MAPK4: variants seen among roughly 807,000 people sequenced by gnomAD.
MAPK4 encodes the protein Erk3-related.
In MAPK4, 22 loss-of-function variants were observed where a neutral mutation model predicts 47.7. The ratio of observed to expected loss-of-function variants is 0.46; its 90% CI spans 0.33 to 0.66. The LOEUF (loss-of-function observed/expected upper bound fraction) is 0.66. Among genes scored for constraint, MAPK4 ranks in the 30% least tolerant of loss-of-function variants. The probability of loss-of-function intolerance (pLI) is 0.02; values close to 1 mark genes in which losing one functional copy is unlikely to be tolerated. For missense variants in MAPK4, 736 were observed against 831.7 expected (o/e 0.88, Z 1.42); for synonymous variants, 390 against 365.7 (o/e 1.07, Z -0.76).
rs1033660493 is a variant in MAPK4 at position 50,568,419 on chromosome 18, T to C, written c.-871+8176T>C. Among the ~76,000 whole-genome samples the C allele has an allele frequency of 3.9e-5, 6 of 152,204 alleles. No homozygotes were observed. In the East Asian group the frequency reaches 9.6e-4, roughly 24 times the overall value. ...TTGCTAAGTGCTTCTCAGGCCTTAA[T>C]TCTTATTCTTACAACAGTCTCTGAA... On this transcript the variant is annotated intron_variant, in intron 1 of 5. Transcript: ENST00000400384.
intron 4 of MAPK4, among the ~76,000 whole-genome samples, chr18:50,722,749 C>T (rs62092230): frequency 0.11 from 16,264 of 152,068 alleles, 932 homozygotes; most frequent in Middle Eastern, 0.14. Flanking sequence ...AGAAATAGAC[C>T]AAAGGTGATG....
At chr18:50,595,957 G>A (rs1374022672) in intron 1 of MAPK4, among the ~76,000 whole-genome samples, 3 of 152,058 alleles carry the variant, frequency 2.0e-5, no homozygotes, top group Admixed American at 2.0e-4. Context: ...TACCTGCTTC[G>A]TTTGTCTCAG....
At chr18:50,586,672 G>T (rs544723815) in intron 1 of MAPK4, among the ~76,000 whole-genome samples, 2 of 151,994 alleles carry the variant, frequency 1.3e-5, no homozygotes, top group Non-Finnish European at 2.9e-5. Context: ...GGTAAGCTCC[G>T]AGTGTACATT....
chr18:50,664,183 C>A lies in MAPK4; in HGVS notation c.225C>A (p.Asp75Glu), dbSNP rs1360934897. The change falls in exon 2 of 6, where the codon GAC becomes GAA. Residue 75 changes from aspartate to glutamate, a missense_variant. By Grantham distance (45) the Asp-to-Glu change is conservative. Coordinates refer to ENST00000400384, the MANE Select transcript of MAPK4 (RefSeq NM_002747.4). The surrounding 1 kb of genome is among the most constrained non-coding windows in gnomAD (Gnocchi z 6.0). Reference sequence around the variant, plus strand: ...AGATCATTCGGCGCCTGGACCACGACAACATCGTCAAAGTGTACGAGGTGC... The same window carrying A: ...AGATCATTCGGCGCCTGGACCACGAAAACATCGTCAAAGTGTACGAGGTGC... ...EIKIIRRLDHDNIVKVYEVLG... is the reference protein window; with the variant it reads ...EIKIIRRLDHENIVKVYEVLG... The A allele has an allele frequency of 1.2e-6, 2 of 1,614,156 alleles. No individual in the cohort carries two copies. The highest frequency in any genetic ancestry group is 2.2e-5 in the East Asian group (1 of 44,884).
rs1458575045 is a variant in MAPK4, at chr18:50,560,263, T to C, written c.-871+20T>C. 6.6e-6 allele frequency: 1 copy of C among 151,732 alleles called. No individual in the cohort carries two copies. The highest frequency in any genetic ancestry group is 6.6e-5 in the Admixed American group (1 of 15,266). 9.4% of individuals were successfully genotyped at this position (151,732 alleles called of 1,614,324 possible). A position where few individuals can be genotyped will look rare whatever the true frequency, so the allele number is the denominator to read the frequency against. On this transcript the variant is annotated intron_variant, in intron 1 of 5. Coordinates refer to ENST00000400384, the MANE Select transcript of MAPK4 (RefSeq NM_002747.4). ...GCCTCGGTAAGTGGCTCCCCTCCGC[T>C]GGCTTTCTCCTCCCGCCGCCTGCGC...
intron 1 of MAPK4, among the ~76,000 whole-genome samples, chr18:50,643,712 A>G (rs1401907704): frequency 6.6e-6 from 1 of 152,138 alleles, no homozygotes; most frequent in Non-Finnish European, 1.5e-5. Flanking sequence ...CAGTAGTTTC[A>G]TGCAAGCCTC....
intron 1 of MAPK4, among the ~76,000 whole-genome samples, chr18:50,589,587 C>T (rs1201825138): frequency 7.3e-6 from 1 of 136,524 alleles, no homozygotes; most frequent in East Asian, 2.1e-4. Flanking sequence ...CAGAGCGAGA[C>T]TCCGTCTCAA....
intron 2 of MAPK4, among the ~76,000 whole-genome samples, chr18:50,689,128 G>A (rs951680478): frequency 2.7e-5 from 4 of 147,650 alleles, no homozygotes; most frequent in African/African-American, 1.1e-4. Context: ...AGGTGTGGTG[G>A]TGCAAGCATG....
chr18:50,637,641 G>A (rs2042899554), intron 1 of MAPK4, among the ~76,000 whole-genome samples: 1 of 152,190 alleles, frequency 6.6e-6, no homozygotes, highest in Non-Finnish European at 1.5e-5. Context: ...GTGTGCTGGG[G>A]TTGCTGTGAC....
chr18:50,699,261 T>G, intron 2 of MAPK4, among the ~76,000 whole-genome samples: 1 of 152,182 alleles, frequency 6.6e-6, no homozygotes, highest in East Asian at 1.9e-4. Context: ...AAGAAATTGT[T>G]TCTACCAAAA....
rs571035193 is a variant in MAPK4, at chr18:50,627,147, T to A, written c.-870-35942T>A. ...CCCAGACTTCCTGTGGACCACATGG[T>A]CAGAGGAGGCTTCCTGGGAGAGGCG... is the stretch of plus-strand genomic sequence containing the variant. On this transcript the variant is annotated intron_variant, in intron 1 of 5. Coordinates refer to ENST00000400384, the MANE Select transcript of MAPK4 (RefSeq NM_002747.4). 2.0e-5 allele frequency among the ~76,000 whole-genome samples: 3 copies of A among 150,398 alleles called. No individual in the cohort carries two copies. The East Asian group carries it at 6.0e-4, about 30-fold the overall frequency.
chr18:50,713,698 G>C (rs1295620556), intron 2 of MAPK4, among the ~76,000 whole-genome samples: 2 of 152,374 alleles, frequency 1.3e-5, no homozygotes, highest in Non-Finnish European at 2.9e-5. Context: ...GCTGGCCTGA[G>C]CGTGTCAGCC....
At chr18:50,574,421 A>C (rs1235925288) in intron 1 of MAPK4, among the ~76,000 whole-genome samples, 1 of 152,234 alleles carries the variant, frequency 6.6e-6, no homozygotes, top group Non-Finnish European at 1.5e-5. Context: ...TTGGAAGAAA[A>C]TCATCGAGAG....
chr18:50,566,821 T>A (rs905098425), intron 1 of MAPK4, among the ~76,000 whole-genome samples: 8 of 152,228 alleles, frequency 5.3e-5, no homozygotes, highest in African/African-American at 1.9e-4. Flanking sequence ...ATATTCATTA[T>A]GGAAAGTGGC....
intron 1 of MAPK4, among the ~76,000 whole-genome samples, chr18:50,620,788 A>T (rs556659900): frequency 1.3e-5 from 2 of 152,222 alleles, no homozygotes; most frequent in East Asian, 3.9e-4. Flanking sequence ...TTATAAAAAC[A>T]TTAAAATAAA....
At chr18:50,728,966 G>A (rs1259713575) in intron 5 of MAPK4, among the ~76,000 whole-genome samples, 192 bp from the exon 6 acceptor site, 10 of 152,240 alleles carry the variant, frequency 6.6e-5, no homozygotes, top group African/African-American at 2.4e-4. Flanking sequence ...GAACACAAGA[G>A]TTAAGCCGAA....
chr18:50,626,486 G>A (rs2042779290), intron 1 of MAPK4, among the ~76,000 whole-genome samples: 1 of 152,146 alleles, frequency 6.6e-6, no homozygotes, highest in African/African-American at 2.4e-5. Context: ...CTTGTTGGAG[G>A]CGGGAAGGAT....
intron 1 of MAPK4, among the ~76,000 whole-genome samples, chr18:50,622,717 G>A (rs1162698553): frequency 6.6e-6 from 1 of 152,208 alleles, no homozygotes; most frequent in Non-Finnish European, 1.5e-5. Flanking sequence ...AATAGGTTTG[G>A]AACTACAGCA....
rs182390394 is a variant in MAPK4, at chr18:50,686,911, G to A, written c.546+22407G>A. Among the ~76,000 whole-genome samples the A allele has an allele frequency of 1.1e-4, 17 of 152,296 alleles. No homozygotes were observed. In the East Asian group the frequency reaches 3.3e-3, roughly 29 times the overall value. ...CTCTGCCTTATACTCTGCCACTAGT[G>A]TTTTCCACAAAGCCCAGATGGAGAC... On this transcript the variant is annotated intron_variant, in intron 2 of 5. Transcript: ENST00000400384.
Sources: allele counts gnomAD v4.1 joint callset (sites outside exome capture counted in the v4.1 genomes callset), GRCh38; gene constraint gnomAD v4.1.1; non-coding constraint Gnocchi (gnomAD v3.1); transcripts MANE v1.5; gene names NCBI Gene and HGNC (gene_info 2026-07-23, HGNC 2026-07-21).